CDKAL1: variants seen among roughly 807,000 people sequenced by gnomAD.
CDKAL1 encodes CDKAL1 threonylcarbamoyladenosine tRNA methylthiotransferase, also known as threonylcarbamoyladenosine tRNA methylthiotransferase.
A neutral mutation model predicts 68.2 loss-of-function variants in CDKAL1; 32 were observed. The ratio of observed to expected loss-of-function variants is 0.47; its 90% confidence interval spans 0.35 to 0.63. The LOEUF (loss-of-function observed/expected upper bound fraction) is 0.63, where lower values mean the gene tolerates loss of function less well. CDKAL1 is among the 30% of genes least tolerant of loss of function. The probability of loss-of-function intolerance (pLI) is 0.00; values close to 1 mark genes in which losing one functional copy is unlikely to be tolerated. For missense variants in CDKAL1, 606 were observed against 696.7 expected (o/e 0.87, Z 1.47); for synonymous variants, 234 against 244.3 (o/e 0.96, Z 0.39).
chr6:20,904,815 G>A (rs1452842133), intron 9 of CDKAL1, among the ~76,000 whole-genome samples: 1 of 151,542 alleles, frequency 6.6e-6, no homozygotes, highest in Non-Finnish European at 1.5e-5. Flanking sequence ...AAAAAAGAAA[G>A]TCACTACATG....
intron 13 of CDKAL1, among the ~76,000 whole-genome samples, chr6:21,142,732 G>A (rs1483516307): frequency 6.6e-6 from 1 of 152,202 alleles, no homozygotes; most frequent in African/African-American, 2.4e-5. Flanking sequence ...ATGTAATACT[G>A]CAGCCTTAAA....
intron 13 of CDKAL1, among the ~76,000 whole-genome samples, chr6:21,189,522 T>C (rs1778151786): frequency 6.6e-6 from 1 of 152,226 alleles, no homozygotes; most frequent in Non-Finnish European, 1.5e-5. Flanking sequence ...TTTGTCATTG[T>C]TTAAGAATCA....
intron 13 of CDKAL1, among the ~76,000 whole-genome samples, chr6:21,163,678 C>T (rs1332776764): frequency 1.3e-5 from 2 of 152,140 alleles, no homozygotes; most frequent in Admixed American, 6.5e-5. Context: ...TGGCCGGGCG[C>T]GGTGGCTCAT....
chr6:20,920,607 C>A (rs561024390), intron 9 of CDKAL1, among the ~76,000 whole-genome samples: 2 of 152,210 alleles, frequency 1.3e-5, no homozygotes, highest in East Asian at 3.9e-4. Context: ...TTAACTAAAT[C>A]AAAATCATGT....
rs375869465 is a variant in CDKAL1, at chr6:21,064,835, A to G, written c.1056-213A>G. 2.6e-5 allele frequency among the ~76,000 whole-genome samples: 4 copies of G among 152,244 alleles called. No individual in the cohort carries two copies. The East Asian group carries it at 5.8e-4, about 22-fold the overall frequency. On this transcript the variant is annotated intron_variant, in intron 11 of 15. Transcript: ENST00000274695. ...GAGGAAAGAACAAAGAACCATTTAA[A>G]AGAATTTAAGATGGGTTTCCCTGGA...
intron 9 of CDKAL1, among the ~76,000 whole-genome samples, chr6:20,848,279 G>GTTTTTTTTTTTTTTTTT (rs1554130310): frequency 1.6e-5 from 1 of 62,286 alleles, no homozygotes; most frequent in African/African-American, 3.6e-5. Flanking sequence ...CTGGAAAGTT[G>GTTTTTTTTTTTTTTTTT]TTTTTTTTTT....
chr6:21,218,671 C>G (rs950785970), intron 15 of CDKAL1, among the ~76,000 whole-genome samples: 3 of 152,198 alleles, frequency 2.0e-5, no homozygotes, highest in Non-Finnish European at 4.4e-5. Flanking sequence ...CTGTGGACTT[C>G]TGCATAGTGC....
At chr6:20,763,893 G>A (rs1774580869) in intron 7 of CDKAL1, among the ~76,000 whole-genome samples, 1 of 152,064 alleles carries the variant, frequency 6.6e-6, no homozygotes, top group Non-Finnish European at 1.5e-5. Context: ...TGTGGTTTTG[G>A]CTTCAGGATA....
At chr6:21,043,501 T>A (rs1770050344) in intron 11 of CDKAL1, among the ~76,000 whole-genome samples, 1 of 152,188 alleles carries the variant, frequency 6.6e-6, no homozygotes, top group South Asian at 2.1e-4. Flanking sequence ...CTTGTAAGGA[T>A]ACTCCCAAGA....
intron 10 of CDKAL1, among the ~76,000 whole-genome samples, chr6:20,977,402 A>G (rs1223172398): frequency 6.6e-6 from 1 of 152,220 alleles, no homozygotes; most frequent in Non-Finnish European, 1.5e-5. Context: ...ATTGTTCTTA[A>G]CATCTGAAGA....
chr6:21,088,344 T>C (rs1340124990), intron 12 of CDKAL1, among the ~76,000 whole-genome samples: 1 of 152,230 alleles, frequency 6.6e-6, no homozygotes, highest in Non-Finnish European at 1.5e-5. Context: ...TAGAAATAGT[T>C]CATAAATAGT....
chr6:20,782,232 C>T (rs1044990031), intron 8 of CDKAL1, among the ~76,000 whole-genome samples: 13 of 152,122 alleles, frequency 8.5e-5, no homozygotes, highest in Non-Finnish European at 1.6e-4. Context: ...GAAGGTTGAC[C>T]AAAGTCATTC....
Position 20,612,940 on chromosome 6 carries a change from G to A in CDKAL1, c.287-36353G>A, listed in dbSNP as rs180679583. On this transcript the variant is annotated intron_variant, in intron 4 of 15. Transcript: ENST00000274695. Reference sequence around the variant, plus strand: ...GTAAGTAATAAGACTCCATCCATCTGCCGTCTGCTTCAGCTAAGTATTTGT... The same window carrying A: ...GTAAGTAATAAGACTCCATCCATCTACCGTCTGCTTCAGCTAAGTATTTGT... Among the ~76,000 whole-genome samples, 494 of 149,056 alleles carry A rather than the reference G, an allele frequency of 3.3e-3. 6 individuals carry two copies. The highest frequency in any genetic ancestry group is 0.012 in the African/African-American group (473 of 40,464).
intron 9 of CDKAL1, among the ~76,000 whole-genome samples, chr6:20,895,963 A>C (rs1000416646): frequency 3.9e-5 from 6 of 152,170 alleles, no homozygotes; most frequent in African/African-American, 1.4e-4. Context: ...CTGGTCTCCA[A>C]CATTATTAGG....
chr6:21,072,519 C>A (rs1249567885), intron 12 of CDKAL1, among the ~76,000 whole-genome samples: 2 of 130,022 alleles, frequency 1.5e-5, no homozygotes, highest in East Asian at 4.9e-4. Context: ...TGTGCCATTG[C>A]ACTCTAGCCT....
At chr6:20,632,311 T>G (rs1767707582) in intron 4 of CDKAL1, among the ~76,000 whole-genome samples, 1 of 152,184 alleles carries the variant, frequency 6.6e-6, no homozygotes, top group Admixed American at 6.5e-5. Flanking sequence ...TTGCCCAGCA[T>G]CTCGAGAGAG....
chr6:20,757,152 C>CG (rs1230904125), intron 6 of CDKAL1, among the ~76,000 whole-genome samples: 5 of 151,974 alleles, frequency 3.3e-5, no homozygotes, highest in African/African-American at 1.2e-4. Flanking sequence ...AGGCTGGTCT[C>CG]GAACTCCTGA....
At chr6:21,116,309 C>T (rs1293839408) in intron 13 of CDKAL1, among the ~76,000 whole-genome samples, 4 of 152,024 alleles carry the variant, frequency 2.6e-5, no homozygotes, top group Non-Finnish European at 5.9e-5. Context: ...CAGCCAGTTA[C>T]CCTGAGGATT....
intron 11 of CDKAL1, among the ~76,000 whole-genome samples, chr6:21,049,386 T>C (rs916304995): frequency 2.0e-5 from 3 of 152,186 alleles, no homozygotes; most frequent in Admixed American, 2.0e-4. Flanking sequence ...CATGTTACCA[T>C]AGAAACAGAA....
Sources: allele counts gnomAD v4.1 joint callset (sites outside exome capture counted in the v4.1 genomes callset), GRCh38; gene constraint gnomAD v4.1.1; transcripts MANE v1.5; gene names NCBI Gene and HGNC (gene_info 2026-07-23, HGNC 2026-07-21).